EYS: variants seen among roughly 807,000 people sequenced by gnomAD.
EYS encodes EGF-like photoreceptor maintenance factor.
In EYS, 250 loss-of-function variants were observed where a neutral mutation model predicts 282.1. The ratio of observed to expected loss-of-function variants is 0.89; its 90% CI spans 0.80 to 0.98. The LOEUF (loss-of-function observed/expected upper bound fraction) is 0.98, where lower values mean the gene tolerates loss of function less well. Ranked by LOEUF, EYS falls within the 50% of genes least tolerant of loss-of-function variation. EYS has a pLI of 0.00. For missense variants in EYS, 4,016 were observed against 3,709.0 expected (o/e 1.08, Z -2.15); for synonymous variants, 1,355 against 1,282.9 (o/e 1.06, Z -1.20).
At chr6:65,694,618 C>A (rs756232187) in intron 1 of EYS, among the ~76,000 whole-genome samples, 1 of 146,786 alleles carries the variant, frequency 6.8e-6, no homozygotes, top group Non-Finnish European at 1.5e-5. Context: ...TTTCTGGGGT[C>A]AGCCTGCCTG....
intron 35 of EYS, among the ~76,000 whole-genome samples, chr6:63,871,571 A>T (rs1772805992): frequency 6.6e-6 from 1 of 152,118 alleles, no homozygotes; most frequent in Non-Finnish European, 1.5e-5. Context: ...CTGAGGTGGG[A>T]GAATCACTGG....
intron 19 of EYS, among the ~76,000 whole-genome samples, chr6:64,836,390 A>C (rs901869378): frequency 6.6e-6 from 1 of 151,412 alleles, no homozygotes; most frequent in Admixed American, 6.6e-5. Flanking sequence ...GGTTATTTCA[A>C]CATTTCACCA....
intron 26 of EYS, among the ~76,000 whole-genome samples, chr6:64,566,934 C>A (rs904134560): frequency 6.6e-5 from 10 of 152,016 alleles, no homozygotes; most frequent in Admixed American, 5.2e-4. Flanking sequence ...CCACCATGCC[C>A]AGCTAATGTT....
intron 26 of EYS, among the ~76,000 whole-genome samples, chr6:64,439,968 A>G (rs1301004872): frequency 6.6e-6 from 1 of 150,918 alleles, no homozygotes; most frequent in African/African-American, 2.4e-5. Flanking sequence ...ATAAGTTGTT[A>G]ACTACTTTAT....
intron 29 of EYS, among the ~76,000 whole-genome samples, chr6:64,351,054 T>G (rs1771614024): frequency 7.5e-6 from 1 of 133,776 alleles, no homozygotes; most frequent in Non-Finnish European, 1.6e-5. Flanking sequence ...AAACTATGAG[T>G]CAATGAAACC....
chr6:64,031,101 C>T (rs571576676), intron 33 of EYS, among the ~76,000 whole-genome samples: 343 of 152,360 alleles, frequency 2.3e-3, no homozygotes, highest in African/African-American at 7.8e-3. Flanking sequence ...GTGGGAGCCC[C>T]TTTCTGGTCT....
chr6:64,403,120 C>T (rs1330482978), intron 28 of EYS, among the ~76,000 whole-genome samples: 1 of 151,760 alleles, frequency 6.6e-6, no homozygotes, highest in African/African-American at 2.4e-5. Flanking sequence ...ATCCAATTAT[C>T]GTTATCATTA....
intron 19 of EYS, among the ~76,000 whole-genome samples, chr6:64,884,725 G>A (rs566027584): frequency 2.6e-5 from 4 of 151,682 alleles, no homozygotes; most frequent in African/African-American, 9.6e-5. Context: ...CTTTCTTGAG[G>A]GGGAAAACTT....
intron 29 of EYS, among the ~76,000 whole-genome samples, chr6:64,327,689 T>C (rs888540125): frequency 1.3e-5 from 2 of 151,840 alleles, no homozygotes; most frequent in Admixed American, 6.6e-5. Flanking sequence ...CCAGGAACCA[T>C]AGAAAGAGAT....
chr6:65,011,701 A>C (rs948310212), intron 13 of EYS, among the ~76,000 whole-genome samples: 1 of 152,208 alleles, frequency 6.6e-6, no homozygotes, highest in African/African-American at 2.4e-5. Context: ...CCTAGCTGGG[A>C]AGGTGACCGC....
At position 64,708,272 on chromosome 6, in the gene EYS, G is replaced by A. The variant is rs146106843; in HGVS notation, c.3444-82027C>T. Among the ~76,000 whole-genome samples the A allele has an allele frequency of 1.1e-3, 175 of 152,294 alleles. 5 individuals are homozygous for A. The East Asian group carries it at 0.022, about 19-fold the overall frequency. On this transcript the variant is annotated intron_variant, in intron 22 of 42. Coordinates refer to ENST00000503581, the MANE Select transcript of EYS (RefSeq NM_001142800.2). ...ATGTACCTGCATTTAGCAGTACTGC[G>A]TATGACAGGGAAACCCTTAAGACAC... is the stretch of plus-strand genomic sequence containing the variant.
intron 31 of EYS, among the ~76,000 whole-genome samples, chr6:64,104,265 A>G (rs1303511914): frequency 3.3e-5 from 5 of 152,130 alleles, no homozygotes; most frequent in Admixed American, 2.0e-4. Flanking sequence ...AGGAGAAATC[A>G]GGAAGGCAGG....
intron 11 of EYS, among the ~76,000 whole-genome samples, chr6:65,299,823 G>T (rs1768767608): frequency 6.6e-6 from 1 of 151,898 alleles, no homozygotes; most frequent in Non-Finnish European, 1.5e-5. Flanking sequence ...ATTATTCATT[G>T]ATGTCATCCT....
chr6:65,100,158 T>C (rs1774853661), intron 12 of EYS, among the ~76,000 whole-genome samples: 1 of 150,802 alleles, frequency 6.6e-6, no homozygotes, highest in Non-Finnish European at 1.5e-5. Flanking sequence ...TGCGGACAGT[T>C]CACGATTACC....
Position 63,806,342 on chromosome 6 carries a change from C to T in EYS, c.7259G>A (p.Gly2420Asp). ...TGAGGTGTATCCAAAGGCATCTGTGCCACTGAACCTTGGCTGAGTAATATT... is the reference window on the plus strand; with the variant it reads ...TGAGGTGTATCCAAAGGCATCTGTGTCACTGAACCTTGGCTGAGTAATATT... ...AINITQPRFSGTDAFGYTSFL... is the reference protein window; with the variant it reads ...AINITQPRFSDTDAFGYTSFL... Residue 2420 changes from glycine to aspartate, a missense_variant, in exon 37 of 43, where the codon GGC becomes GAC. By Grantham distance (94) the Gly-to-Asp change is moderately conservative. Transcript: ENST00000503581. 2 of 1,549,184 alleles carry T rather than the reference C, an allele frequency of 1.3e-6. No individual in the cohort carries two copies. Among genetic ancestry groups the T allele is most frequent in the Non-Finnish European group, 1.7e-6 (2 of 1,145,404 alleles).
chr6:65,254,405 A>G (rs1767407058), intron 12 of EYS, among the ~76,000 whole-genome samples: 1 of 151,922 alleles, frequency 6.6e-6, no homozygotes, highest in Non-Finnish European at 1.5e-5. Context: ...CAAGTAGGAA[A>G]TTCAATTTAC....
chr6:64,149,304 T>C (rs575122770), intron 31 of EYS, among the ~76,000 whole-genome samples: 1 of 152,278 alleles, frequency 6.6e-6, no homozygotes, highest in African/African-American at 2.4e-5. Context: ...CAGAAATTCT[T>C]TGTATACGTA....
intron 1 of EYS, among the ~76,000 whole-genome samples, chr6:65,696,015 G>T (rs1049782906): frequency 6.6e-6 from 1 of 151,954 alleles, no homozygotes; most frequent in African/African-American, 2.4e-5. Flanking sequence ...TAGAGGGAAT[G>T]ATCTAGCTTG....
chr6:65,584,921 ATC>A (rs1439572618), intron 2 of EYS, among the ~76,000 whole-genome samples: 2 of 150,366 alleles, frequency 1.3e-5, no homozygotes, highest in Non-Finnish European at 3.0e-5. Flanking sequence ...AACATTTTTC[ATC>A]TCTCTGTCTC....
Sources: gnomAD v4.1 joint callset for allele counts (sites outside exome capture counted in the v4.1 genomes callset) on GRCh38, gnomAD v4.1.1 for gene constraint, MANE v1.5 for transcripts, NCBI Gene and HGNC (gene_info 2026-07-23, HGNC 2026-07-21) for gene names.